The following MAP2K2 variants were observed in gnomAD, a reference collection of about 807,000 sequenced individuals.
The protein encoded by MAP2K2 is dual specificity mitogen-activated protein kinase kinase 2.
Under a neutral mutation model 43.7 loss-of-function variants are expected in MAP2K2, and 24 were observed. The ratio of observed to expected loss-of-function variants is 0.55; its 90% CI spans 0.40 to 0.77. MAP2K2 has a LOEUF of 0.77. Among genes scored for constraint, MAP2K2 ranks in the 30% least tolerant of loss-of-function variants. The probability of loss-of-function intolerance (pLI) is 0.00; values close to 1 mark genes in which losing one functional copy is unlikely to be tolerated. For synonymous variants in MAP2K2, 244 were observed against 239.7 expected, an observed-to-expected ratio of 1.02 and a Z score of -0.17; for missense variants, 470 against 566.8, an observed-to-expected ratio of 0.83 and a Z score of 1.73.
intron 3 of MAP2K2, among the ~76,000 whole-genome samples, chr19:4,105,168 GT>G (rs1257780788): frequency 9.7e-6 from 1 of 102,602 alleles, no homozygotes; most frequent in Non-Finnish European, 2.3e-5. Context: ...GTGTGTGTGT[GT>G]GTGTGTGTGT....
chr19:4,099,986 A>C (rs2145051551), intron 6 of MAP2K2: 1 of 164,702 alleles, frequency 6.1e-6, no homozygotes, highest in African/African-American at 2.4e-5. Context: ...ACGGTGGCTC[A>C]CGCCTGTAAT....
At chr19:4,091,736 C>T (rs943932268) in intron 10 of MAP2K2, among the ~76,000 whole-genome samples, 1 of 152,062 alleles carries the variant, frequency 6.6e-6, no homozygotes, top group African/African-American at 2.4e-5. Context: ...GTAACCTCTG[C>T]CTCCCAGGTT....
intron 1 of MAP2K2, among the ~76,000 whole-genome samples, chr19:4,119,166 C>T (rs754538912): frequency 1.3e-5 from 2 of 152,114 alleles, no homozygotes; most frequent in South Asian, 2.1e-4. Flanking sequence ...TTCCTAGTAG[C>T]TAGGATCACA....
At chr19:4,114,172 G>C (rs986062555) in intron 2 of MAP2K2, among the ~76,000 whole-genome samples, 1 of 152,142 alleles carries the variant, frequency 6.6e-6, no homozygotes, top group Non-Finnish European at 1.5e-5. Flanking sequence ...TGGCCAGCTA[G>C]GGGACCGCAG....
intron 3 of MAP2K2, 194 bp from the exon 4 acceptor site, chr19:4,102,647 A>T (rs2041030912): frequency 1.1e-6 from 1 of 935,136 alleles, no homozygotes; most frequent in Admixed American, 2.1e-5. Flanking sequence ...CCCACCCACA[A>T]GGTGGGGAAG....
chr19:4,093,275 G>A (rs953022448), intron 10 of MAP2K2, among the ~76,000 whole-genome samples: 15 of 152,152 alleles, frequency 9.9e-5, no homozygotes, highest in African/African-American at 2.6e-4. Context: ...GGCACACATC[G>A]GTAGCCCCAG....
chr19:4,116,794 G>A (rs1157435921), intron 2 of MAP2K2, among the ~76,000 whole-genome samples: 1 of 151,870 alleles, frequency 6.6e-6, no homozygotes, highest in Non-Finnish European at 1.5e-5. Context: ...GCTGGGCCTG[G>A]TGGTGTGTGC....
At chr19:4,109,953 G>T (rs1241910757) in intron 3 of MAP2K2, among the ~76,000 whole-genome samples, 1 of 152,062 alleles carries the variant, frequency 6.6e-6, no homozygotes, top group Non-Finnish European at 1.5e-5. Context: ...TCATAAGGAC[G>T]CCCGGGATAC....
chr19:4,094,798 A>C, intron 9 of MAP2K2: 2 of 484,124 alleles, frequency 4.1e-6, no homozygotes, highest in Non-Finnish European at 7.6e-6. Context: ...TAACTGTCTA[A>C]TAAAACCCCA....
intron 2 of MAP2K2, among the ~76,000 whole-genome samples, chr19:4,116,807 G>A (rs2041227101): frequency 6.6e-6 from 1 of 151,878 alleles, no homozygotes; most frequent in Non-Finnish European, 1.5e-5. Flanking sequence ...GTGTGTGCCT[G>A]TAATCCCAGC....
chr19:4,101,695 TG>T lies in MAP2K2; in HGVS notation c.529-416del, dbSNP rs2041014478. ...CCAGATGGGACGGGCTAAGGGTGCC[TG>T]GGAAGGACGATGTTTCCCCCAGGCC... On this transcript the variant is annotated intron_variant, in intron 4 of 10. Coordinates refer to ENST00000262948, the MANE Select transcript of MAP2K2 (RefSeq NM_030662.4). This position sits in a 1 kb window ranked among gnomAD's most constrained non-coding sequence, Gnocchi z 6.3. Among the ~76,000 whole-genome samples, 1 of 152,068 alleles carries T rather than the reference TG, an allele frequency of 6.6e-6. No homozygotes were observed.
intron 8 of MAP2K2, among the ~76,000 whole-genome samples, chr19:4,097,053 G>C (rs2040928354): frequency 6.6e-6 from 1 of 150,388 alleles, no homozygotes; most frequent in Non-Finnish European, 1.5e-5. Context: ...AATTAGCTGG[G>C]TGTGGTGGTG....
intron 7 of MAP2K2, among the ~76,000 whole-genome samples, chr19:4,098,833 C>A (rs1376086739): frequency 6.6e-6 from 1 of 152,278 alleles, no homozygotes; most frequent in Non-Finnish European, 1.5e-5. Flanking sequence ...GAGCGTGTCA[C>A]CTGCAGAATG....
At chr19:4,110,376 C>T (rs2041138388) in intron 3 of MAP2K2, 133 bp downstream of exon 3, 5 of 1,099,022 alleles carry the variant, frequency 4.5e-6, no homozygotes, top group South Asian at 1.3e-5. Flanking sequence ...GCATCGACTG[C>T]CTTGAGAAGG....
At chr19:4,123,082 C>G (rs2041321528) in intron 1 of MAP2K2, among the ~76,000 whole-genome samples, 1 of 151,666 alleles carries the variant, frequency 6.6e-6, no homozygotes, top group Non-Finnish European at 1.5e-5. Flanking sequence ...ACCCTCATCT[C>G]ATGACTACGG....
At chr19:4,108,576 A>G (rs1008556445) in intron 3 of MAP2K2, among the ~76,000 whole-genome samples, 4 of 151,824 alleles carry the variant, frequency 2.6e-5, no homozygotes, top group African/African-American at 9.7e-5. Flanking sequence ...TAAAGGGTGC[A>G]CTCCATAACA....
chr19:4,117,661 A>G (rs2145081081), intron 1 of MAP2K2, 32 bp from the exon 2 acceptor site: 1 of 1,597,726 alleles, frequency 6.3e-7, no homozygotes, highest in Admixed American at 1.7e-5. Context: ...GGGGTTAGCT[A>G]CCTAGGGAGA....
At chr19:4,121,943 T>C (rs1272638739) in intron 1 of MAP2K2, among the ~76,000 whole-genome samples, 1 of 117,384 alleles carries the variant, frequency 8.5e-6, no homozygotes, top group Non-Finnish European at 1.7e-5. Flanking sequence ...CTCCCCTCTC[T>C]TCCCTTTTCC....
intron 8 of MAP2K2, among the ~76,000 whole-genome samples, chr19:4,095,940 A>G (rs899834926): frequency 7.9e-5 from 12 of 152,098 alleles, no homozygotes; most frequent in African/African-American, 2.9e-4. Flanking sequence ...GCGCCTGGCT[A>G]ATTTTTATAT....
Sources: allele counts gnomAD v4.1 joint callset (sites outside exome capture counted in the v4.1 genomes callset), GRCh38; gene constraint gnomAD v4.1.1; non-coding constraint Gnocchi (gnomAD v3.1); transcripts MANE v1.5; gene names NCBI Gene and HGNC (gene_info 2026-07-23, HGNC 2026-07-21).